Variants in DYNC2I1 observed in about 807,000 individuals in gnomAD.
The protein encoded by DYNC2I1 is dynein 2 intermediate chain 1, also known as cytoplasmic dynein 2 intermediate chain 1.
A neutral mutation model predicts 133.4 loss-of-function variants in DYNC2I1; 89 were observed. That is an observed-to-expected ratio of 0.67 (90% confidence interval 0.56 to 0.80). The LOEUF is 0.80. Ranked by LOEUF, DYNC2I1 falls within the 30% of genes least tolerant of loss-of-function variation. DYNC2I1 has a pLI of 0.00. For synonymous variants in DYNC2I1, 504 were observed against 484.3 expected (o/e 1.04, Z -0.54); for missense variants, 1,291 against 1,314.5 (o/e 0.98, Z 0.28).
chr7:158,881,286 G>A (rs762709130), intron 5 of DYNC2I1, among the ~76,000 whole-genome samples: 1 of 152,122 alleles, frequency 6.6e-6, no homozygotes, highest in South Asian at 2.1e-4. Flanking sequence ...CAGGGCGTTG[G>A]CCGTGTTTCT....
chr7:158,926,077 A>T, intron 17 of DYNC2I1, 110 bp from the exon 18 acceptor site: 1 of 796,422 alleles, frequency 1.3e-6, no homozygotes, highest in Non-Finnish European at 2.1e-6. Context: ...GTGTGGAGAG[A>T]GTTGGATCTG....
chr7:158,927,370 T>C (rs1428607120), intron 20 of DYNC2I1, among the ~76,000 whole-genome samples: 2 of 147,784 alleles, frequency 1.4e-5, no homozygotes, highest in Non-Finnish European at 3.0e-5. Flanking sequence ...GCCACTACAC[T>C]CCAGCCTGGG....
At chr7:158,857,078 A>G (rs983466880) in intron 1 of DYNC2I1, among the ~76,000 whole-genome samples, 12 of 152,210 alleles carry the variant, frequency 7.9e-5, no homozygotes, top group African/African-American at 2.9e-4. Context: ...GGGGTGGCTG[A>G]GGAGACATAT....
rs1384824622 is a variant in DYNC2I1, at chr7:158,879,685, T to C, written c.575T>C (p.Leu192Pro). Residue 192 changes from leucine (L) to proline (P), a missense_variant and splice_region_variant, in exon 5 of 25, where the codon CTG (leucine) becomes CCG (proline). Transcript: ENST00000407559. ...DRERRYRERK[L>P]QYGDSKDNPL... ...TTCTCAGCTTGTCGTGTTTTACAGC[T>C]GCAGTACGGAGACAGCAAGGACAAC... 3.8e-6 allele frequency: 6 copies of C among 1,570,624 alleles called. No individual in the cohort carries two copies. The highest frequency in any genetic ancestry group is 5.2e-6 in the Non-Finnish European group (6 of 1,164,550).
At chr7:158,926,371 A>C in intron 18 of DYNC2I1, 31 bp from the exon 19 acceptor site, 1 of 1,606,114 alleles carries the variant, frequency 6.2e-7, no homozygotes, top group Non-Finnish European at 8.5e-7. Flanking sequence ...ATTTAAAGCC[A>C]TTTCTTTCTT....
At chr7:158,947,583 A>G (rs971843850), downstream of DYNC2I1, among the ~76,000 whole-genome samples, 21 of 152,196 alleles carry the variant, frequency 1.4e-4, no homozygotes, top group Non-Finnish European at 2.8e-4. Context: ...AAGGGAATCC[A>G]GGGAGTTCTG....
At chr7:158,912,852 G>T in intron 12 of DYNC2I1, 133 bp from the exon 13 acceptor site, 1 of 632,052 alleles carries the variant, frequency 1.6e-6, no homozygotes, top group Non-Finnish European at 2.7e-6. Flanking sequence ...TTAAGCACAG[G>T]TTGTCTTTGC....
rs751401798 is a variant in DYNC2I1, at chr7:158,923,708, G to A, written c.2232G>A (p.Thr744=). The change falls in exon 17 of 25, where the codon ACG becomes ACA. Residue 744 remains threonine (T), a synonymous_variant. Coordinates refer to ENST00000407559, the MANE Select transcript of DYNC2I1 (RefSeq NM_018051.5). ...YSVTLSDGFW[T]FRTATFSTDG... is the part of the protein sequence containing the mutation. ...TGACGCTGAGCGATGGCTTCTGGAC[G>A]TTCCGGACCGCCACGTTTTCCACCG... 5 of 1,610,892 alleles carry A rather than the reference G, an allele frequency of 3.1e-6. No homozygotes were observed. The African/African-American group carries it at 5.3e-5, about 17-fold the overall frequency.
chr7:158,881,282 G>GATGCAAACATCT (rs1843981633), intron 5 of DYNC2I1, among the ~76,000 whole-genome samples: 1 of 152,152 alleles, frequency 6.6e-6, no homozygotes, highest in African/African-American at 2.4e-5. Flanking sequence ...GCATCAGGGC[G>GATGCAAACATCT]TTGGCCGTGT....
intron 4 of DYNC2I1, among the ~76,000 whole-genome samples, chr7:158,954,921 A>G (rs1370717091): frequency 7.6e-6 from 1 of 132,120 alleles, no homozygotes; most frequent in Non-Finnish European, 1.6e-5. Context: ...CGTCCCCCAC[A>G]GGCCTAGACA....
chr7:158,884,292 G>C (rs1257698787), intron 5 of DYNC2I1, among the ~76,000 whole-genome samples: 1 of 151,956 alleles, frequency 6.6e-6, no homozygotes, highest in African/African-American at 2.4e-5. Flanking sequence ...TGATGCGCCC[G>C]CCTTGGCCTC....
At chr7:158,908,088 A>C (rs1410384937) in intron 11 of DYNC2I1, among the ~76,000 whole-genome samples, 1 of 151,850 alleles carries the variant, frequency 6.6e-6, no homozygotes, top group Non-Finnish European at 1.5e-5. Context: ...ATAAATAAAA[A>C]AGTTTTTGAG....
intron 6 of DYNC2I1, among the ~76,000 whole-genome samples, chr7:158,886,303 T>C (rs1844599248): frequency 6.6e-6 from 1 of 151,946 alleles, no homozygotes; most frequent in South Asian, 2.1e-4. Context: ...GGCTAATTTT[T>C]TTGTATTTTT....
chr7:158,944,520 T>G (rs957619085), intron 24 of DYNC2I1, among the ~76,000 whole-genome samples: 32 of 152,110 alleles, frequency 2.1e-4, no homozygotes, highest in Non-Finnish European at 4.3e-4. Context: ...TGAATAGCAG[T>G]TTTAAAGTAT....
chr7:158,863,263 A>G (rs1401424753), intron 1 of DYNC2I1, among the ~76,000 whole-genome samples: 1 of 152,070 alleles, frequency 6.6e-6, no homozygotes, highest in Non-Finnish European at 1.5e-5. Context: ...ACCTTTAGCT[A>G]GACGCAGAGC....
intron 8 of DYNC2I1, among the ~76,000 whole-genome samples, chr7:158,899,657 C>T (rs2129483306): frequency 6.6e-6 from 1 of 152,282 alleles, no homozygotes. Context: ...CTTTCCCATG[C>T]TATTCTCGTG....
chr7:158,940,792 GAAATGTGGCATATC>G (rs1373503386), intron 23 of DYNC2I1, among the ~76,000 whole-genome samples: 1 of 152,208 alleles, frequency 6.6e-6, no homozygotes, highest in Non-Finnish European at 1.5e-5. Flanking sequence ...AATGAAAATG[GAAATGTGGCATATC>G]AAAATCTATG....
chr7:158,939,774 G>A (rs950901586), intron 23 of DYNC2I1, among the ~76,000 whole-genome samples: 4 of 152,112 alleles, frequency 2.6e-5, no homozygotes, highest in Admixed American at 1.3e-4. Flanking sequence ...GTGGAAAAAG[G>A]TATTCTATAC....
intron 20 of DYNC2I1, among the ~76,000 whole-genome samples, chr7:158,928,357 G>A (rs1414909594): frequency 1.3e-5 from 2 of 152,132 alleles, no homozygotes; most frequent in African/African-American, 2.4e-5. Flanking sequence ...TGAATCAGGG[G>A]TGTTTTCCCA....
Sources: gnomAD v4.1 joint callset for allele counts (sites outside exome capture counted in the v4.1 genomes callset) on GRCh38, gnomAD v4.1.1 for gene constraint, MANE v1.5 for transcripts, NCBI Gene and HGNC (gene_info 2026-07-23, HGNC 2026-07-21) for gene names.